PCOLCE2: variants seen among roughly 807,000 people sequenced by gnomAD.
The protein encoded by PCOLCE2 is procollagen C-proteinase enhancer 2.
A neutral mutation model predicts 47.0 loss-of-function variants in PCOLCE2; 42 were observed. The ratio of observed to expected loss-of-function variants is 0.89; its 90% CI spans 0.70 to 1.16. The LOEUF is 1.16. Among genes scored for constraint, PCOLCE2 ranks in the 50% most tolerant of loss-of-function variants. PCOLCE2 has a pLI of 0.00. For missense variants in PCOLCE2, 500 were observed against 526.1 expected (o/e 0.95, Z 0.49); for synonymous variants, 169 against 191.7 (o/e 0.88, Z 0.98).
chr3:142,864,010 T>A (rs1933232274), intron 2 of PCOLCE2: 1 of 149,040 alleles, frequency 6.7e-6, no homozygotes, highest in Non-Finnish European at 1.5e-5. Context: ...AAAAAAAAAA[T>A]CATAAAAACA....
chr3:142,822,701 G>T (rs1937028961), intron 7 of PCOLCE2, among the ~76,000 whole-genome samples: 1 of 152,188 alleles, frequency 6.6e-6, no homozygotes, highest in African/African-American at 2.4e-5. Context: ...ATTTCAGCAT[G>T]TGAACTCTAG....
intron 6 of PCOLCE2, among the ~76,000 whole-genome samples, chr3:142,828,815 AGGCTTAC>A (rs1937113314): frequency 6.6e-6 from 1 of 152,188 alleles, no homozygotes; most frequent in Non-Finnish European, 1.5e-5. Context: ...ATGGACACCA[AGGCTTAC>A]TGAGCTGAGC....
chr3:142,847,067 T>C (rs1374761594), intron 3 of PCOLCE2, among the ~76,000 whole-genome samples: 1 of 152,196 alleles, frequency 6.6e-6, no homozygotes, highest in Non-Finnish European at 1.5e-5. Context: ...CTAGATTCTG[T>C]TGTGTTCTGA....
chr3:142,861,153 TA>T (rs1192315583), intron 2 of PCOLCE2, among the ~76,000 whole-genome samples: 29 of 152,380 alleles, frequency 1.9e-4, no homozygotes, highest in African/African-American at 6.7e-4. Context: ...CTCAGAACGC[TA>T]AAGGCTTTGC....
chr3:142,832,509 A>T (rs1294880178), intron 5 of PCOLCE2, among the ~76,000 whole-genome samples: 1 of 152,046 alleles, frequency 6.6e-6, no homozygotes, highest in Admixed American at 6.6e-5. Flanking sequence ...TGCTGTCTCT[A>T]ACTCCAACTC....
intron 2 of PCOLCE2, among the ~76,000 whole-genome samples, chr3:142,851,005 C>T (rs752588033): frequency 2.0e-5 from 3 of 152,022 alleles, no homozygotes; most frequent in Non-Finnish European, 4.4e-5. Flanking sequence ...TGGAGTTGGC[C>T]TTAGTAGGAG....
intron 5 of PCOLCE2, among the ~76,000 whole-genome samples, chr3:142,833,379 T>C (rs1937171452): frequency 6.6e-6 from 1 of 151,892 alleles, no homozygotes; most frequent in Non-Finnish European, 1.5e-5. Flanking sequence ...AGATAGGATT[T>C]CCACATTGCC....
chr3:142,846,527 T>C (rs1937330202), intron 3 of PCOLCE2: 1 of 152,250 alleles, frequency 6.6e-6, no homozygotes, highest in Non-Finnish European at 1.5e-5. Flanking sequence ...TTGATATTTT[T>C]CACTGTATTT....
At chr3:142,864,938 T>A (rs151168062) in intron 2 of PCOLCE2, among the ~76,000 whole-genome samples, 1 of 152,246 alleles carries the variant, frequency 6.6e-6, no homozygotes, top group Non-Finnish European at 1.5e-5. Context: ...CTTTTGGCTA[T>A]TATTAACAAT....
chr3:142,848,604 A>G, intron 2 of PCOLCE2, 132 bp from the exon 3 acceptor site: 1 of 775,102 alleles, frequency 1.3e-6, no homozygotes, highest in East Asian at 2.7e-5. Context: ...ATCTGAACTA[A>G]CCCAAGGGAA....
intron 2 of PCOLCE2, 105 bp from the exon 3 acceptor site, chr3:142,848,577 G>T: frequency 2.0e-6 from 2 of 1,019,048 alleles, no homozygotes; most frequent in South Asian, 1.7e-5. Context: ...CCAAGATAAT[G>T]CTTTTTCCTC....
chr3:142,840,862 T>C (rs903334557), intron 4 of PCOLCE2, among the ~76,000 whole-genome samples: 3 of 151,928 alleles, frequency 2.0e-5, no homozygotes, highest in Non-Finnish European at 4.4e-5. Context: ...GATCATGAGG[T>C]CAGGAGATCG....
intron 5 of PCOLCE2, among the ~76,000 whole-genome samples, chr3:142,833,935 T>C (rs1578032307): frequency 1.3e-5 from 2 of 152,186 alleles, no homozygotes; most frequent in East Asian, 1.9e-4. Context: ...CTCATCTAAG[T>C]TTCTCATTTA....
At chr3:142,881,823 G>T (rs1933627244) in intron 2 of PCOLCE2, among the ~76,000 whole-genome samples, 1 of 152,194 alleles carries the variant, frequency 6.6e-6, no homozygotes, top group African/African-American at 2.4e-5. Context: ...TAATTATAAA[G>T]ATGGTAATAC....
At position 142,887,545 on chromosome 3, in the gene PCOLCE2, C is replaced by G. The variant is rs1578054961; in HGVS notation, c.192+124G>C. 6.4e-6 allele frequency: 4 copies of G among 626,664 alleles called. No homozygotes were observed. The East Asian group carries it at 1.1e-4, about 17-fold the overall frequency. 38.8% of individuals were successfully genotyped at this position (626,664 alleles called of 1,614,324 possible). ...ATCTTCCCAATAGTTGGGGTAAATC[C>G]AACATTTCACTATTTCAGGCATTTG... On this transcript the variant is annotated intron_variant, in intron 2 of 8. Transcript: ENST00000295992.
intron 2 of PCOLCE2, among the ~76,000 whole-genome samples, chr3:142,859,365 T>C (rs932984739): frequency 6.6e-6 from 1 of 151,922 alleles, no homozygotes; most frequent in African/African-American, 2.4e-5. Context: ...ACCTGGCCCA[T>C]GTTTTCTTCT....
intron 5 of PCOLCE2, among the ~76,000 whole-genome samples, chr3:142,832,176 A>G (rs1937158622): frequency 6.6e-6 from 1 of 152,024 alleles, no homozygotes; most frequent in South Asian, 2.1e-4. Flanking sequence ...CCTCCTAAGT[A>G]TTTCTTGATC....
At position 142,823,616 on chromosome 3, in the gene PCOLCE2, C is replaced by T. The variant is rs369280862; in HGVS notation, c.866-1G>A. ...CACAAGGCCACGGTGGGTTTTAAAC[C>T]TTAATTCAAAGAAGACATAAGTTTC... On this transcript the variant is annotated splice_acceptor_variant, in intron 6 of 8. Coordinates refer to ENST00000295992, the MANE Select transcript of PCOLCE2 (RefSeq NM_013363.4). LOFTEE classifies it high-confidence loss of function. The T allele has an allele frequency of 2.5e-6, 4 of 1,581,446 alleles. No homozygotes were observed. In the African/African-American group the frequency reaches 5.4e-5, roughly 21 times the overall value.
chr3:142,865,242 T>C lies in PCOLCE2; in HGVS notation c.193-16770A>G, dbSNP rs145219249. Among the ~76,000 whole-genome samples the C allele has an allele frequency of 1.8e-4, 28 of 152,280 alleles. No homozygotes were observed. In the East Asian group the frequency reaches 4.4e-3, roughly 24 times the overall value. On this transcript the variant is annotated intron_variant, in intron 2 of 8. Coordinates refer to ENST00000295992, the MANE Select transcript of PCOLCE2 (RefSeq NM_013363.4). ...ATTGCATTTCTCTAATGACCAATGA[T>C]GTTGAGCATCTCTTCATGTGCTTAT... is the stretch of plus-strand genomic sequence containing the variant.
Sources: gnomAD v4.1 joint callset for allele counts (sites outside exome capture counted in the v4.1 genomes callset) on GRCh38, gnomAD v4.1.1 for gene constraint, MANE v1.5 for transcripts, NCBI Gene and HGNC (gene_info 2026-07-23, HGNC 2026-07-21) for gene names.